The following TAFA4 variants were observed in gnomAD, a reference collection of about 807,000 sequenced individuals.
TAFA4 encodes TAFA chemokine like family member 4.
A neutral mutation model predicts 21.1 loss-of-function variants in TAFA4; 20 were observed. The ratio of observed to expected loss-of-function variants is 0.95; its 90% CI spans 0.67 to 1.38. The LOEUF (loss-of-function observed/expected upper bound fraction) is 1.38. TAFA4 is among the 40% of genes most tolerant of loss of function. The probability of loss-of-function intolerance (pLI) is 0.00; values close to 1 mark genes in which losing one functional copy is unlikely to be tolerated. For synonymous variants in TAFA4, 71 were observed against 67.4 expected (o/e 1.05, Z -0.26); for missense variants, 211 against 180.9 (o/e 1.17, Z -0.95).
chr3:68,779,729 G>C (rs1703120187), intron 3 of TAFA4, among the ~76,000 whole-genome samples: 1 of 152,260 alleles, frequency 6.6e-6, no homozygotes, highest in African/African-American at 2.4e-5. Flanking sequence ...TGCCCAGGCA[G>C]AAGTTTGCTG....
At chr3:68,811,352 G>T (rs974980030) in intron 3 of TAFA4, among the ~76,000 whole-genome samples, 1 of 152,156 alleles carries the variant, frequency 6.6e-6, no homozygotes, top group Non-Finnish European at 1.5e-5. Flanking sequence ...AGACAAGAAG[G>T]CTTCAGATGA....
At chr3:68,902,915 C>G (rs1242267771) in intron 1 of TAFA4, among the ~76,000 whole-genome samples, 1 of 152,146 alleles carries the variant, frequency 6.6e-6, no homozygotes, top group African/African-American at 2.4e-5. Context: ...AGTAAAATCA[C>G]TTTCCAAAGT....
intron 3 of TAFA4, among the ~76,000 whole-genome samples, chr3:68,873,248 GAGATCAAACAACGTC>G (rs151132347): frequency 0.021 from 3,209 of 151,816 alleles, 116 homozygotes; most frequent in African/African-American, 0.073. Flanking sequence ...CTCACCTGGA[GAGATCAAACAACGTC>G]ATACTTGTTT....
rs149576343 is a variant in TAFA4, at chr3:68,856,680, A to T, written c.130+24050T>A. ...TCCACTTTCGCTTCTAGCACTAATG[A>T]TTACATGGAAAGTCGCTCAACCCAA... On this transcript the variant is annotated intron_variant, in intron 3 of 5. Coordinates refer to ENST00000295569, the MANE Select transcript of TAFA4 (RefSeq NM_182522.5). 1.2e-4 allele frequency among the ~76,000 whole-genome samples: 18 copies of T among 152,288 alleles called. No homozygotes were observed. The East Asian group carries it at 3.5e-3, about 29-fold the overall frequency.
At chr3:68,797,778 T>G (rs1263443167) in intron 3 of TAFA4, among the ~76,000 whole-genome samples, 1 of 152,106 alleles carries the variant, frequency 6.6e-6, no homozygotes, top group Non-Finnish European at 1.5e-5. Context: ...ACGGTGGTTG[T>G]CAGAGGCTGA....
chr3:68,830,887 A>G (rs1475945006), intron 3 of TAFA4, among the ~76,000 whole-genome samples: 1 of 152,164 alleles, frequency 6.6e-6, no homozygotes, highest in Admixed American at 6.5e-5. Context: ...TTGGGTGCAT[A>G]TATATTTAGG....
chr3:68,766,513 A>C (rs1039258854), intron 3 of TAFA4, among the ~76,000 whole-genome samples: 1 of 151,828 alleles, frequency 6.6e-6, no homozygotes, highest in Non-Finnish European at 1.5e-5. Flanking sequence ...ATACAAAAGC[A>C]TTCTTAAATT....
chr3:68,862,056 G>C (rs2089351961), intron 3 of TAFA4, among the ~76,000 whole-genome samples: 1 of 151,710 alleles, frequency 6.6e-6, no homozygotes, highest in Admixed American at 6.6e-5. Flanking sequence ...AGGTAAGCTG[G>C]TGAACTTGAG....
chr3:68,785,957 T>C lies in TAFA4; in HGVS notation c.131-32939A>G, dbSNP rs897292417. Among the ~76,000 whole-genome samples the C allele has an allele frequency of 2.6e-5, 4 of 152,196 alleles. No individual in the cohort carries two copies. In the South Asian group the frequency reaches 8.3e-4, roughly 32 times the overall value. On this transcript the variant is annotated intron_variant, in intron 3 of 5. Coordinates refer to ENST00000295569, the MANE Select transcript of TAFA4 (RefSeq NM_182522.5). The stretch of plus-strand genomic sequence containing the variant: ...TATTTGCAAACATACACAATGATCA[T>C]GTACAAGGCCGTTCAGTACTCTTTC...
rs117455790 is a variant in TAFA4 at position 68,818,985 on chromosome 3, T to C, written c.130+61745A>G. Among the ~76,000 whole-genome samples, 12 of 152,286 alleles carry C rather than the reference T, an allele frequency of 7.9e-5. No individual in the cohort carries two copies. The East Asian group carries it at 2.3e-3, about 29-fold the overall frequency. Reference sequence around the variant, plus strand: ...ACTTTAATTTGTAAAAATTGCAATATTTAGGCTGGGTGTGGTGGCTCATAT... The same window carrying C: ...ACTTTAATTTGTAAAAATTGCAATACTTAGGCTGGGTGTGGTGGCTCATAT... On this transcript the variant is annotated intron_variant, in intron 3 of 5. Coordinates refer to ENST00000295569, the MANE Select transcript of TAFA4 (RefSeq NM_182522.5).
chr3:68,753,083 C>A, intron 3 of TAFA4, 65 bp from the exon 4 acceptor site: 1 of 1,468,950 alleles, frequency 6.8e-7, no homozygotes, highest in South Asian at 1.2e-5. Flanking sequence ...CCACCAAAAC[C>A]AAAATGATGC....
chr3:68,905,728 C>T (rs1220485705), intron 1 of TAFA4, among the ~76,000 whole-genome samples: 3 of 152,082 alleles, frequency 2.0e-5, no homozygotes, highest in Non-Finnish European at 4.4e-5. Context: ...CTAGTCAGTG[C>T]GATCTCCCAC....
intron 3 of TAFA4, among the ~76,000 whole-genome samples, chr3:68,814,952 G>T (rs921108232): frequency 1.3e-5 from 2 of 152,124 alleles, no homozygotes; most frequent in Non-Finnish European, 2.9e-5. Context: ...CATGGTGCAG[G>T]TACCAAAACA....
chr3:68,781,078 A>G (rs1486004483), intron 3 of TAFA4, among the ~76,000 whole-genome samples: 1 of 152,146 alleles, frequency 6.6e-6, no homozygotes, highest in East Asian at 1.9e-4. Context: ...AGTATTTTAG[A>G]ATATGTTTTA....
At chr3:68,741,575 A>G (rs903254554) in intron 4 of TAFA4, among the ~76,000 whole-genome samples, 2 of 152,076 alleles carry the variant, frequency 1.3e-5, no homozygotes, top group African/African-American at 4.8e-5. Context: ...CAGGCAGATC[A>G]TGAGGTCAGG....
chr3:68,921,893 T>C (rs543619587), intron 1 of TAFA4, among the ~76,000 whole-genome samples: 10 of 152,204 alleles, frequency 6.6e-5, no homozygotes, highest in Non-Finnish European at 1.0e-4. Flanking sequence ...TAAACAACTA[T>C]GCAATTCTTA....
chr3:68,901,547 A>C (rs2089844125), intron 1 of TAFA4, among the ~76,000 whole-genome samples: 2 of 152,142 alleles, frequency 1.3e-5, no homozygotes, highest in African/African-American at 2.4e-5. Context: ...TGACTATTTA[A>C]ATTTAAATTT....
Position 68,824,014 on chromosome 3 carries a change from G to A in TAFA4, c.130+56716C>T, listed in dbSNP as rs373591133. On this transcript the variant is annotated intron_variant, in intron 3 of 5. Transcript: ENST00000295569. Reference sequence around the variant, plus strand: ...AAGGGTCCATCAGCTTCACCATCCTGCCAAAGGGATCCATGACTCAGAGAA... The same window carrying A: ...AAGGGTCCATCAGCTTCACCATCCTACCAAAGGGATCCATGACTCAGAGAA... Among the ~76,000 whole-genome samples the A allele has an allele frequency of 5.9e-5, 9 of 152,202 alleles. No homozygotes were observed. In the East Asian group the frequency reaches 1.7e-3, roughly 29 times the overall value.
chr3:68,746,467 AAT>A (rs1361322425), intron 4 of TAFA4, among the ~76,000 whole-genome samples: 4 of 152,204 alleles, frequency 2.6e-5, no homozygotes, highest in African/African-American at 9.7e-5. Flanking sequence ...ATCTTCCTAG[AAT>A]ATATGCTTTA....
Sources: gnomAD v4.1 joint callset for allele counts (sites outside exome capture counted in the v4.1 genomes callset) on GRCh38, gnomAD v4.1.1 for gene constraint, MANE v1.5 for transcripts, NCBI Gene and HGNC (gene_info 2026-07-23, HGNC 2026-07-21) for gene names.